Variants in RASEF observed in about 807,000 individuals in gnomAD.
RASEF encodes RAS and EF-hand domain containing.
RASEF carries 68 observed loss-of-function variants against 90.1 expected under a neutral mutation model. The ratio of observed to expected loss-of-function variants is 0.75; its 90% CI spans 0.62 to 0.92. RASEF has a LOEUF of 0.92. RASEF is among the 40% of genes least tolerant of loss of function. The probability of loss-of-function intolerance (pLI) is 0.00; values close to 1 mark genes in which losing one functional copy is unlikely to be tolerated. For synonymous variants in RASEF, 331 were observed against 345.2 expected (o/e 0.96, Z 0.46); for missense variants, 949 against 937.2 (o/e 1.01, Z -0.16).
chr9:83,208,359 AC>A, the RASEF span, among the ~76,000 whole-genome samples: 1 of 152,134 alleles, frequency 6.6e-6, no homozygotes, highest in East Asian at 1.9e-4. Flanking sequence ...CCTGCCTAGA[AC>A]ACCCCTTCTG....
the RASEF span, among the ~76,000 whole-genome samples, chr9:83,169,131 C>A: frequency 6.6e-6 from 1 of 151,872 alleles, no homozygotes; most frequent in African/African-American, 2.4e-5. Flanking sequence ...ATTTGTCTTT[C>A]ACTTAACATA....
chr9:83,070,059 T>C, the RASEF span, among the ~76,000 whole-genome samples: 1 of 151,632 alleles, frequency 6.6e-6, no homozygotes, highest in Non-Finnish European at 1.5e-5. Flanking sequence ...CTGTCACATA[T>C]ATAGGTACTT....
the RASEF span, among the ~76,000 whole-genome samples, chr9:83,190,200 A>G: frequency 1.3e-5 from 2 of 152,244 alleles, no homozygotes; most frequent in Admixed American, 6.5e-5. Flanking sequence ...GAAACGCTGT[A>G]TGTACTCCTG....
In RASEF at chr9:83,046,737, C is replaced by T. The variant is rs368272731; in HGVS notation, c.431+15700G>A. Reference sequence around the variant, plus strand: ...TTTGATAGAAGCAAGAATTATGAGACGACTGTGTCATCCCAGGGGATGAAA... The same window carrying T: ...TTTGATAGAAGCAAGAATTATGAGATGACTGTGTCATCCCAGGGGATGAAA... On this transcript the variant is annotated intron_variant, in intron 1 of 16. Coordinates refer to ENST00000376447, the MANE Select transcript of RASEF (RefSeq NM_152573.4). Among the ~76,000 whole-genome samples the T allele has an allele frequency of 5.9e-4, 90 of 152,138 alleles. 5 individuals are homozygous for T. The South Asian group carries it at 0.016, about 27-fold the overall frequency.
intron 16 of RASEF, 32 bp downstream of exon 16, chr9:82,990,359 T>G: frequency 6.6e-7 from 1 of 1,523,644 alleles, no homozygotes; most frequent in Non-Finnish European, 9.1e-7. Context: ...CAAGCGAAAA[T>G]TCAATCCTAC....
At chr9:82,991,833 G>A (rs560777241) in intron 15 of RASEF, among the ~76,000 whole-genome samples, 160 of 152,336 alleles carry the variant, frequency 1.1e-3, no homozygotes, top group Non-Finnish European at 1.7e-3. Flanking sequence ...AGAATAACTA[G>A]ATTTCAAAGT....
At chr9:83,144,391 G>GAAAGGAAAGAAA in the RASEF span, among the ~76,000 whole-genome samples, 54 of 33,190 alleles carry the variant, frequency 1.6e-3, 1 homozygote, top group South Asian at 3.8e-3. Flanking sequence ...AAGAAAGAAA[G>GAAAGGAAAGAAA]GAAAGAAAGA....
At chr9:83,164,347 G>GTGTGTGTATATATATATA in the RASEF span, among the ~76,000 whole-genome samples, 22 of 129,968 alleles carry the variant, frequency 1.7e-4, no homozygotes, top group African/African-American at 5.9e-4. Flanking sequence ...GTATATGTGT[G>GTGTGTGTATATATATATA]TATATATATA....
chr9:83,080,749 G>A, the RASEF span, among the ~76,000 whole-genome samples: 1 of 152,022 alleles, frequency 6.6e-6, no homozygotes, highest in Non-Finnish European at 1.5e-5. Context: ...TGAAATTCTG[G>A]TATCTCATTA....
At chr9:83,126,976 T>C in the RASEF span, among the ~76,000 whole-genome samples, 132 of 152,312 alleles carry the variant, frequency 8.7e-4, no homozygotes, top group African/African-American at 3.0e-3. Context: ...TTTAGCAGAT[T>C]GGTAATGCCT....
Position 83,058,040 on chromosome 9 carries a change from G to A in RASEF, c.431+4397C>T, listed in dbSNP as rs968510806. ...AAAGAGGAGAAACTGAGGCAAGATGGAATCCATCAGTCTCTCTTCCTTTCC... is the reference window on the plus strand; with the variant it reads ...AAAGAGGAGAAACTGAGGCAAGATGAAATCCATCAGTCTCTCTTCCTTTCC... On this transcript the variant is annotated intron_variant, in intron 1 of 16. Transcript: ENST00000376447. Among the ~76,000 whole-genome samples, 31 of 150,862 alleles carry A rather than the reference G, an allele frequency of 2.1e-4. 1 individual carries two copies. Among genetic ancestry groups the A allele is most frequent in the African/African-American group, 7.3e-4 (30 of 41,276 alleles).
At chr9:83,006,848 C>A (rs901096472) in intron 7 of RASEF, among the ~76,000 whole-genome samples, 6 of 152,160 alleles carry the variant, frequency 3.9e-5, no homozygotes, top group African/African-American at 1.4e-4. Flanking sequence ...CATCCCAGCA[C>A]TTTGGGAGGC....
chr9:83,020,096 T>C (rs1829414729), intron 3 of RASEF, among the ~76,000 whole-genome samples: 3 of 152,130 alleles, frequency 2.0e-5, no homozygotes, highest in Admixed American at 2.0e-4. Flanking sequence ...TATACCTTCA[T>C]AAAGCTGTTA....
At chr9:83,091,769 G>C in the RASEF span, among the ~76,000 whole-genome samples, 1 of 152,034 alleles carries the variant, frequency 6.6e-6, no homozygotes, top group Non-Finnish European at 1.5e-5. Flanking sequence ...ATAATGACTA[G>C]TCTTTTGAGT....
the RASEF span, among the ~76,000 whole-genome samples, chr9:83,098,042 C>T: frequency 3.8e-4 from 58 of 152,182 alleles, no homozygotes; most frequent in African/African-American, 1.4e-3. Flanking sequence ...CCTAAGTAAA[C>T]GACAAAGCTA....
the RASEF span, among the ~76,000 whole-genome samples, chr9:83,162,334 T>A: frequency 1.3e-5 from 2 of 152,100 alleles, no homozygotes; most frequent in African/African-American, 4.8e-5. Context: ...CATAAAAAAA[T>A]TACATTCTTC....
At chr9:83,206,593 G>C in the RASEF span, among the ~76,000 whole-genome samples, 1 of 152,142 alleles carries the variant, frequency 6.6e-6, no homozygotes, top group East Asian at 1.9e-4. Context: ...ACAAATATTG[G>C]CATAGCATCT....
At chr9:83,114,333 G>A in the RASEF span, among the ~76,000 whole-genome samples, 16 of 152,124 alleles carry the variant, frequency 1.1e-4, no homozygotes, top group South Asian at 6.2e-4. Context: ...CGTCAACTTC[G>A]TAAGCAGAGG....
At chr9:83,119,039 G>T in the RASEF span, among the ~76,000 whole-genome samples, 6 of 143,212 alleles carry the variant, frequency 4.2e-5, no homozygotes, top group Non-Finnish European at 9.1e-5. Context: ...ATGGAGTCTT[G>T]CTCTGTTACC....
Sources: allele counts gnomAD v4.1 joint callset (sites outside exome capture counted in the v4.1 genomes callset), GRCh38; gene constraint gnomAD v4.1.1; transcripts MANE v1.5; gene names NCBI Gene and HGNC (gene_info 2026-07-23, HGNC 2026-07-21).